Variants in EPB41L4B observed in about 807,000 individuals in gnomAD.
The protein encoded by EPB41L4B is erythrocyte membrane protein band 4.1 like 4B, also known as band 4.1-like protein 4B.
A neutral mutation model predicts 112.5 loss-of-function variants in EPB41L4B; 30 were observed. That is an observed-to-expected ratio of 0.27 (90% CI 0.20 to 0.36). EPB41L4B has a LOEUF of 0.36. EPB41L4B is among the 10% of genes least tolerant of loss of function. The pLI is 1.00. For missense variants in EPB41L4B, 1,024 were observed against 1,133.3 expected (o/e 0.90, Z 1.38); for synonymous variants, 408 against 439.7 (o/e 0.93, Z 0.90).
chr9:109,268,561 G>T, intron 2 of EPB41L4B, 128 bp from the exon 3 acceptor site: 2 of 799,618 alleles, frequency 2.5e-6, no homozygotes, highest in Non-Finnish European at 1.9e-6. Context: ...TCATATCATG[G>T]GTTCTTAGGC....
intron 2 of EPB41L4B, among the ~76,000 whole-genome samples, chr9:109,271,041 G>A (rs1273561355): frequency 1.3e-5 from 2 of 152,188 alleles, no homozygotes; most frequent in Non-Finnish European, 2.9e-5. Flanking sequence ...ACCCCTTCTC[G>A]AAATTGCTGT....
At position 109,313,087 on chromosome 9, in the gene EPB41L4B, A is replaced by T. The variant is rs374190199; in HGVS notation, c.306+7054T>A. Among the ~76,000 whole-genome samples, 29 of 148,800 alleles carry T rather than the reference A, an allele frequency of 1.9e-4. 1 individual carries two copies. The South Asian group carries it at 5.9e-3, about 30-fold the overall frequency. On this transcript the variant is annotated intron_variant, in intron 1 of 25. Transcript: ENST00000374566. ...GAGACCCCAATGTTACCAAAAAAAG[A>T]AAAAAAAACCTTCTCCAACTCCAGC...
intron 2 of EPB41L4B, among the ~76,000 whole-genome samples, chr9:109,279,078 T>TTCAG (rs1202858200): frequency 6.6e-6 from 1 of 152,188 alleles, no homozygotes; most frequent in Non-Finnish European, 1.5e-5. Flanking sequence ...CTGGCTGGCA[T>TTCAG]TCAGCTCCGT....
intron 6 of EPB41L4B, among the ~76,000 whole-genome samples, chr9:109,259,631 C>T (rs1436111395): frequency 1.3e-5 from 2 of 152,204 alleles, no homozygotes; most frequent in Non-Finnish European, 2.9e-5. Context: ...CTTAACATCT[C>T]TGGGTCTCCG....
At position 109,320,386 on chromosome 9, in the gene EPB41L4B, C is replaced by G. The variant is rs1050719777; in HGVS notation, c.61G>C (p.Ala21Pro). ...AGCCCGGCGGCCCCGCGCCCCGCCG[C>G]GCCCCGCGCGTAGCGCTGCATGGAG... is the stretch of plus-strand genomic sequence containing the variant. ...RRSMQRYARG[A>P]AGRGAAGLGD... Residue 21 changes from alanine to proline, a missense_variant, in exon 1 of 26, where the codon GCG (alanine) becomes CCG (proline). Coordinates refer to ENST00000374566, the MANE Select transcript of EPB41L4B (RefSeq NM_019114.5). The G allele has an allele frequency of 2.0e-6, 2 of 982,640 alleles. No individual in the cohort carries two copies. Among genetic ancestry groups the G allele is most frequent in the African/African-American group, 3.5e-5 (2 of 56,596 alleles). The allele number at this position is 982,640 out of a possible 1,614,324, so 60.9% of individuals were successfully genotyped here.
At chr9:109,243,475 A>T (rs1217323765) in intron 15 of EPB41L4B, 143 bp downstream of exon 15, 1 of 688,332 alleles carries the variant, frequency 1.5e-6, no homozygotes, top group Non-Finnish European at 2.4e-6. Flanking sequence ...TTGCTTTGAA[A>T]ATTTATTCAT....
intron 1 of EPB41L4B, among the ~76,000 whole-genome samples, chr9:109,299,891 A>AC (rs574809045): frequency 3.8e-4 from 57 of 151,926 alleles, no homozygotes; most frequent in Non-Finnish European, 6.0e-4. Context: ...TGGTCCACTC[A>AC]CCCCCATCCC....
At chr9:109,311,613 C>G (rs1237084384) in intron 1 of EPB41L4B, among the ~76,000 whole-genome samples, 2 of 152,188 alleles carry the variant, frequency 1.3e-5, no homozygotes, top group Non-Finnish European at 2.9e-5. Context: ...GCAAAAAATG[C>G]TGAGAAATGG....
At chr9:109,231,376 G>A (rs571783878) in intron 15 of EPB41L4B, among the ~76,000 whole-genome samples, 1 of 152,210 alleles carries the variant, frequency 6.6e-6, no homozygotes, top group South Asian at 2.1e-4. Context: ...AGCCAAAGAT[G>A]GCATCTTCTT....
rs369535289 is a variant in EPB41L4B at position 109,243,669 on chromosome 9, G to C, written c.1358C>G (p.Pro453Arg). Residue 453 changes from proline (P) to arginine (R), a missense_variant, in exon 15 of 26, where the codon CCT becomes CGT. Physicochemically the swap from Pro to Arg is moderately radical, Grantham distance 103. Coordinates refer to ENST00000374566, the MANE Select transcript of EPB41L4B (RefSeq NM_019114.5). ...EVHNYQPQYHPNIHPSQPRWH... is the reference protein window; with the variant it reads ...EVHNYQPQYHRNIHPSQPRWH... The stretch of plus-strand genomic sequence containing the variant: ...CCGGGGCTGGCTGGGATGGATATTA[G>C]GATGATATTGAGGCTAGAAATAAAA... The C allele has an allele frequency of 9.3e-6, 15 of 1,614,148 alleles. No individual in the cohort carries two copies. Among genetic ancestry groups the C allele is most frequent in the South Asian group, 2.2e-5 (2 of 91,080 alleles).
chr9:109,216,898 C>G, intron 16 of EPB41L4B, 24 bp downstream of exon 16: 1 of 1,611,262 alleles, frequency 6.2e-7, no homozygotes, highest in Non-Finnish European at 8.5e-7. Context: ...CTTCTCCTGC[C>G]TTGCCCCCTC....
At chr9:109,280,885 C>T (rs1353993703) in intron 1 of EPB41L4B, among the ~76,000 whole-genome samples, 1 of 151,890 alleles carries the variant, frequency 6.6e-6, no homozygotes, top group African/African-American at 2.4e-5. Flanking sequence ...GGAAAGAATC[C>T]AGCACTGACT....
chr9:109,240,870 C>T, intron 15 of EPB41L4B: 1 of 985,432 alleles, frequency 1.0e-6, no homozygotes, highest in Non-Finnish European at 1.2e-6. Flanking sequence ...ATCATTAAGA[C>T]ATTAAAAATT....
In EPB41L4B at chr9:109,235,390, C is replaced by CTTTTTTTT. The variant is rs758330838; in HGVS notation, c.1409+8220_1409+8227dup. ...TAGAAATACCATTTCTTCAGCTAGA[C>CTTTTTTTT]TTTTTTTTTTTTTTTTTTTTTTTTA... is the stretch of plus-strand genomic sequence containing the variant. On this transcript the variant is annotated intron_variant, in intron 15 of 25. Coordinates refer to ENST00000374566, the MANE Select transcript of EPB41L4B (RefSeq NM_019114.5). Among the ~76,000 whole-genome samples, 3 of 87,250 alleles carry CTTTTTTTT rather than the reference C, an allele frequency of 3.4e-5. 1 individual carries two copies. Among genetic ancestry groups the CTTTTTTTT allele is most frequent in the Non-Finnish European group, 6.4e-5 (3 of 46,602 alleles). The allele number at this position is 87,250 out of a possible 152,430, so 57.2% of individuals were successfully genotyped here. A position where few individuals can be genotyped will look rare whatever the true frequency, so the allele number is the denominator to read the frequency against.
Position 109,247,736 on chromosome 9 carries a change from CT to C in EPB41L4B, c.1344+19del. 2 of 1,399,522 alleles carry C rather than the reference CT, an allele frequency of 1.4e-6. No homozygotes were observed. Among genetic ancestry groups the C allele is most frequent in the East Asian group, 2.6e-5 (1 of 38,442 alleles). The allele number at this position is 1,399,522 out of a possible 1,614,324, so 86.7% of individuals were successfully genotyped here. Reference sequence around the variant, plus strand: ...AAAATTTTCCTTCTTTAAAGAAAACCTTTAAAAGCAGTATCTTACCTGGTAA... The same window carrying C: ...AAAATTTTCCTTCTTTAAAGAAAACCTTAAAAGCAGTATCTTACCTGGTAA... On this transcript the variant is annotated intron_variant, in intron 14 of 25. Coordinates refer to ENST00000374566, the MANE Select transcript of EPB41L4B (RefSeq NM_019114.5).
intron 1 of EPB41L4B, among the ~76,000 whole-genome samples, chr9:109,296,605 G>A (rs2119200175): frequency 6.6e-6 from 1 of 152,214 alleles, no homozygotes; most frequent in East Asian, 1.9e-4. Flanking sequence ...GGGAGGTGAG[G>A]CCAGGTGCAG....
intron 6 of EPB41L4B, among the ~76,000 whole-genome samples, chr9:109,260,357 AC>A (rs1324744539): frequency 2.0e-5 from 3 of 150,204 alleles, no homozygotes; most frequent in Non-Finnish European, 4.4e-5. Context: ...GGCATGAGCC[AC>A]CATGCCCAGC....
chr9:109,319,365 A>C (rs1006682055), intron 1 of EPB41L4B, among the ~76,000 whole-genome samples: 8 of 152,198 alleles, frequency 5.3e-5, no homozygotes, highest in African/African-American at 1.9e-4. Flanking sequence ...GACCCCACGC[A>C]CGGTGCCCAA....
intron 18 of EPB41L4B, among the ~76,000 whole-genome samples, chr9:109,204,243 T>C (rs529346122): frequency 3.3e-5 from 5 of 151,850 alleles, no homozygotes; most frequent in Non-Finnish European, 7.4e-5. Flanking sequence ...CAAAGAATAG[T>C]GGGGGAAGAA....
Sources: allele counts gnomAD v4.1 joint callset (sites outside exome capture counted in the v4.1 genomes callset), GRCh38; gene constraint gnomAD v4.1.1; transcripts MANE v1.5; gene names NCBI Gene and HGNC (gene_info 2026-07-23, HGNC 2026-07-21).